Variants in USF3 observed in about 807,000 individuals in gnomAD.
USF3 encodes the protein upstream transcription factor family member 3.
In USF3, 29 loss-of-function variants were observed where a neutral mutation model predicts 157.5. The observed-to-expected ratio is 0.18, with a 90% CI of 0.14 to 0.25. USF3 has a LOEUF of 0.25. Among genes scored for constraint, USF3 ranks in the 10% least tolerant of loss-of-function variants. USF3 has a pLI of 1.00. For synonymous variants in USF3, 893 were observed against 941.4 expected (o/e 0.95, Z 0.94); for missense variants, 2,381 against 2,667.6 (o/e 0.89, Z 2.37).
In USF3 at chr3:113,655,440, G is replaced by A; in HGVS notation, c.6242C>T (p.Ala2081Val). ...GGMNPPINAN[A>V]SFIPQVTQPS... ...CTGAGTAACCTGTGGAATGAAAGAA[G>A]CATTAGCATTTATTGGTGGATTCAT... The change falls in exon 7 of 7, where the codon GCT becomes GTT. Residue 2081 changes from alanine (A) to valine (V), a missense_variant. Transcript: ENST00000316407. The A allele has an allele frequency of 6.2e-7, 1 of 1,614,138 alleles. No homozygotes were observed.
At chr3:113,686,586 G>A (rs775813272) in intron 1 of USF3, among the ~76,000 whole-genome samples, 5 of 152,156 alleles carry the variant, frequency 3.3e-5, no homozygotes, top group Non-Finnish European at 5.9e-5. Flanking sequence ...ACTGTGCCTG[G>A]CCACCTGATA....
intron 1 of USF3, among the ~76,000 whole-genome samples, chr3:113,683,683 G>A (rs1265370820): frequency 6.6e-6 from 1 of 151,548 alleles, no homozygotes; most frequent in Non-Finnish European, 1.5e-5. Context: ...TGGCCAGGAT[G>A]GTCTTGATCT....
At chr3:113,669,494 T>C (rs975245902) in intron 5 of USF3, among the ~76,000 whole-genome samples, 1 of 152,180 alleles carries the variant, frequency 6.6e-6, no homozygotes, top group Admixed American at 6.6e-5. Flanking sequence ...ATAGTGATTA[T>C]TGCTTGGGAG....
At chr3:113,677,505 C>T (rs927742920) in intron 1 of USF3, 108 bp from the exon 2 acceptor site, 11 of 152,156 alleles carry the variant, frequency 7.2e-5, no homozygotes, top group Admixed American at 2.0e-4. Flanking sequence ...TTTAGTGCCA[C>T]GAAGGATGAT....
At chr3:113,690,826 C>T (rs535819715) in intron 1 of USF3, among the ~76,000 whole-genome samples, 1 of 152,308 alleles carries the variant, frequency 6.6e-6, no homozygotes, top group Admixed American at 6.5e-5. Flanking sequence ...AAACTTCTTA[C>T]ATAATGTCCC....
Position 113,654,920 on chromosome 3 carries a change from C to T in USF3, c.*24G>A, listed in dbSNP as rs201446129. Reference sequence around the variant, plus strand: ...AATACATTTGTAATCTCACTCATTACCTTTACATTTTGTTTATCAGTATTT... The same window carrying T: ...AATACATTTGTAATCTCACTCATTATCTTTACATTTTGTTTATCAGTATTT... On this transcript the variant is annotated 3_prime_UTR_variant, in exon 7 of 7. Coordinates refer to ENST00000316407, the MANE Select transcript of USF3 (RefSeq NM_001009899.4). The T allele has an allele frequency of 1.6e-4, 261 of 1,588,940 alleles. 1 individual carries two copies. The highest frequency in any genetic ancestry group is 2.6e-4 in the Admixed American group (15 of 57,478).
At chr3:113,676,213 T>C (rs1299209320) in intron 2 of USF3, among the ~76,000 whole-genome samples, 1 of 152,222 alleles carries the variant, frequency 6.6e-6, no homozygotes, top group Non-Finnish European at 1.5e-5. Flanking sequence ...AGTTCCAAAG[T>C]TGCTTTCACA....
At position 113,655,789 on chromosome 3, in the gene USF3, G is replaced by C. The variant is rs1193864189; in HGVS notation, c.5893C>G (p.Pro1965Ala). The C allele has an allele frequency of 6.2e-7, 1 of 1,614,104 alleles. No homozygotes were observed. The change falls in exon 7 of 7, where the codon CCT (proline) becomes GCT (alanine). Residue 1965 changes from proline (P) to alanine (A), a missense_variant. Around this residue, in one of 6 missense-constraint regions of USF3, gnomAD observed 770 missense variants for 824.2 expected, o/e 0.93. Coordinates refer to ENST00000316407, the MANE Select transcript of USF3 (RefSeq NM_001009899.4). ...SVSHGNGDQG[P>A]AVRQANSSVP... ...GAAGAATTAGCTTGACGTACAGCAG[G>C]GCCTTGATCGCCATTTCCATGAGAC...
chr3:113,669,440 T>C (rs1707096963), intron 5 of USF3, among the ~76,000 whole-genome samples: 1 of 152,190 alleles, frequency 6.6e-6, no homozygotes, highest in Non-Finnish European at 1.5e-5. Context: ...TTGCTATGTG[T>C]CTTATTAACT....
intron 3 of USF3, among the ~76,000 whole-genome samples, chr3:113,674,273 T>C (rs916992319): frequency 8.5e-5 from 13 of 152,192 alleles, no homozygotes; most frequent in African/African-American, 2.4e-4. Context: ...ACATTTAACA[T>C]AGATTTGGTA....
chr3:113,677,931 T>C (rs1213764640), intron 1 of USF3, among the ~76,000 whole-genome samples: 1 of 152,008 alleles, frequency 6.6e-6, no homozygotes, highest in Admixed American at 6.6e-5. Context: ...AAATGAGAGG[T>C]CTGGGTAGGG....
Position 113,658,690 on chromosome 3 carries a change from G to C in USF3, c.2992C>G (p.Leu998Val), listed in dbSNP as rs1415977337. The C allele has an allele frequency of 1.9e-6, 3 of 1,613,654 alleles. No individual in the cohort carries two copies. In the African/African-American group the frequency reaches 4.0e-5, roughly 22 times the overall value. Residue 998 changes from leucine (L) to valine (V), a missense_variant, in exon 7 of 7, where the codon CTC (leucine) becomes GTC (valine). Physicochemically the swap from Leu to Val is conservative, Grantham distance 32. Around this residue, in one of 6 missense-constraint regions of USF3, gnomAD observed 1,435 missense variants for 1,550.9 expected, o/e 0.93. Transcript: ENST00000316407. ...GTAGTTAAACCTTGCCCCTTTAAGAGACCTGTGGTTTGCATTGTATCTGAT... is the reference window on the plus strand; with the variant it reads ...GTAGTTAAACCTTGCCCCTTTAAGACACCTGTGGTTTGCATTGTATCTGAT... Reference protein sequence around the residue: ...DSSDTMQTTGLLKGQGLTTLL... With the variant: ...DSSDTMQTTGVLKGQGLTTLL...
At chr3:113,669,406 T>C (rs1707094162) in intron 5 of USF3, among the ~76,000 whole-genome samples, 1 of 152,118 alleles carries the variant, frequency 6.6e-6, no homozygotes, top group South Asian at 2.1e-4. Context: ...TTAATGTTTG[T>C]TGTTTTAAGC....
At chr3:113,674,725 C>T (rs745455921) in intron 3 of USF3, 107 bp downstream of exon 3, 56 of 819,862 alleles carry the variant, frequency 6.8e-5, no homozygotes, top group Admixed American at 3.8e-4. Context: ...ATAATTTCCT[C>T]GGTATCTAAA....
intron 1 of USF3, among the ~76,000 whole-genome samples, chr3:113,679,744 C>T (rs1707367642): frequency 6.6e-6 from 1 of 152,080 alleles, no homozygotes; most frequent in Admixed American, 6.6e-5. Context: ...CCTTTCAAGT[C>T]AATCCCTTCC....
Position 113,659,131 on chromosome 3 carries a change from C to T in USF3, c.2551G>A (p.Val851Ile), listed in dbSNP as rs529709995. ...LESFPAVLPS[V>I]SVSQANSVSV... Reference sequence around the variant, plus strand: ...ACACTATTTGCCTGAGACACAGAGACAGATGGTAACACAGCAGGGAAGCTT... The same window carrying T: ...ACACTATTTGCCTGAGACACAGAGATAGATGGTAACACAGCAGGGAAGCTT... The change falls in exon 7 of 7, where the codon GTC becomes ATC. Residue 851 changes from valine to isoleucine, a missense_variant. Val to Ile is a conservative substitution (Grantham distance 29). Around this residue, in one of 6 missense-constraint regions of USF3, gnomAD observed 1,435 missense variants for 1,550.9 expected, o/e 0.93. Coordinates refer to ENST00000316407, the MANE Select transcript of USF3 (RefSeq NM_001009899.4). The T allele has an allele frequency of 1.9e-6, 3 of 1,614,074 alleles. No individual in the cohort carries two copies. The highest frequency in any genetic ancestry group is 2.2e-5 in the East Asian group (1 of 44,898).
chr3:113,694,039 C>G (rs941987314), intron 1 of USF3, among the ~76,000 whole-genome samples: 1 of 152,194 alleles, frequency 6.6e-6, no homozygotes, highest in African/African-American at 2.4e-5. Flanking sequence ...ATGCCCATGG[C>G]AGAGCTTTAC....
Position 113,655,373 on chromosome 3 carries a change from C to T in USF3, c.6309G>A (p.Pro2103=), listed in dbSNP as rs1045525797. 10 of 1,613,878 alleles carry T rather than the reference C, an allele frequency of 6.2e-6. No homozygotes were observed. The highest frequency in any genetic ancestry group is 4.0e-5 in the African/African-American group (3 of 74,890). Residue 2103 remains proline (P), a synonymous_variant, in exon 7 of 7, where the codon CCG becomes CCA. Transcript: ENST00000316407. ...TRTPALIPVD[P]QNTLPSFYPP... ...GATAGAAGGAGGGCAGAGTATTTTGCGGATCTACCGGGATGAGGGCTGGAG... is the reference window on the plus strand; with the variant it reads ...GATAGAAGGAGGGCAGAGTATTTTGTGGATCTACCGGGATGAGGGCTGGAG...
intron 4 of USF3, among the ~76,000 whole-genome samples, chr3:113,670,647 A>G (rs1438499489): frequency 6.6e-6 from 1 of 152,104 alleles, no homozygotes; most frequent in Non-Finnish European, 1.5e-5. Flanking sequence ...GGGGAAGGGG[A>G]AGGGCTTATC....
Sources: allele counts gnomAD v4.1 joint callset (sites outside exome capture counted in the v4.1 genomes callset), GRCh38; gene constraint gnomAD v4.1.1; regional missense constraint gnomAD v4.1.1; transcripts MANE v1.5; gene names NCBI Gene and HGNC (gene_info 2026-07-23, HGNC 2026-07-21).